The following ARFGEF3 variants were observed in gnomAD, a reference collection of about 807,000 sequenced individuals.
ARFGEF3 encodes the protein brefeldin A-inhibited guanine nucleotide-exchange protein 3.
Under a neutral mutation model 221.7 loss-of-function variants are expected in ARFGEF3, and 96 were observed. That is an observed-to-expected ratio of 0.43 (90% CI 0.37 to 0.51). The LOEUF (loss-of-function observed/expected upper bound fraction) is 0.51, where lower values mean the gene tolerates loss of function less well. ARFGEF3 is among the 20% of genes least tolerant of loss of function. The pLI, the probability that ARFGEF3 is intolerant of heterozygous loss-of-function variation, is 0.00. For synonymous variants in ARFGEF3, 1,145 were observed against 1,126.8 expected (o/e 1.02, Z -0.32); for missense variants, 2,410 against 2,789.9 (o/e 0.86, Z 3.07).
At chr6:138,330,575 C>T (rs1780210898) in intron 32 of ARFGEF3, among the ~76,000 whole-genome samples, 1 of 152,116 alleles carries the variant, frequency 6.6e-6, no homozygotes, top group South Asian at 2.1e-4. Flanking sequence ...GAGGCTGAGG[C>T]AGGAGAATCG....
intron 17 of ARFGEF3, among the ~76,000 whole-genome samples, chr6:138,288,907 C>G (rs1459594320): frequency 1.3e-5 from 2 of 152,190 alleles, no homozygotes; most frequent in African/African-American, 4.8e-5. Flanking sequence ...TTTTGCATTA[C>G]TGACATCTGA....
chr6:138,195,052 G>A (rs1777386269), intron 2 of ARFGEF3, among the ~76,000 whole-genome samples: 1 of 136,198 alleles, frequency 7.3e-6, no homozygotes, highest in African/African-American at 2.9e-5. Context: ...TCCCAGGCTG[G>A]AGTGCAGTGG....
rs552928348 is a variant in ARFGEF3 at position 138,217,934 on chromosome 6, G to A, written c.351+7893G>A. On this transcript the variant is annotated intron_variant, in intron 4 of 33. Coordinates refer to ENST00000251691, the MANE Select transcript of ARFGEF3 (RefSeq NM_020340.5). ...TTAAACAGTCATTGGTAGCAGAATT[G>A]CCTTTTCAACCATTTTTATTTTTCT... is the stretch of plus-strand genomic sequence containing the variant. 13 of 1,536,302 alleles carry A rather than the reference G, an allele frequency of 8.5e-6. No homozygotes were observed. The East Asian group carries it at 1.8e-4, about 21-fold the overall frequency.
chr6:138,178,271 C>T (rs553022083), intron 2 of ARFGEF3, among the ~76,000 whole-genome samples: 61 of 152,236 alleles, frequency 4.0e-4, no homozygotes, highest in African/African-American at 1.4e-3. Flanking sequence ...CTTCCACATG[C>T]CAAAGCCAAG....
At chr6:138,306,744 A>G (rs7768552) in intron 22 of ARFGEF3, among the ~76,000 whole-genome samples, 31,287 of 151,688 alleles carry the variant, frequency 0.21, 3,549 homozygotes, top group East Asian at 0.45. Context: ...ATAAAAATAA[A>G]CTTACACCTT....
chr6:138,333,009 A>G (rs914607379), intron 32 of ARFGEF3, among the ~76,000 whole-genome samples: 1 of 152,238 alleles, frequency 6.6e-6, no homozygotes, highest in Non-Finnish European at 1.5e-5. Flanking sequence ...AAATGTTATT[A>G]ACATCATGGC....
At chr6:138,230,069 G>T (rs1016494103) in intron 5 of ARFGEF3, among the ~76,000 whole-genome samples, 3 of 152,096 alleles carry the variant, frequency 2.0e-5, no homozygotes, top group Non-Finnish European at 2.9e-5. Context: ...GCATGCTTAC[G>T]TTTGCTTCAC....
chr6:138,318,198 C>G (rs1283741815), intron 27 of ARFGEF3, among the ~76,000 whole-genome samples: 4 of 152,174 alleles, frequency 2.6e-5, no homozygotes, highest in East Asian at 1.9e-4. Context: ...AAGTTAAAAG[C>G]CTTCCATCAA....
chr6:138,306,927 A>T (rs1779736267), intron 22 of ARFGEF3, among the ~76,000 whole-genome samples: 3 of 150,128 alleles, frequency 2.0e-5, no homozygotes, highest in Admixed American at 2.0e-4. Flanking sequence ...TTTGCAAATT[A>T]TATCTTGGGA....
chr6:138,227,240 G>A (rs914924322), intron 4 of ARFGEF3, among the ~76,000 whole-genome samples: 12 of 152,188 alleles, frequency 7.9e-5, no homozygotes, highest in African/African-American at 2.9e-4. Context: ...CTGAAACACA[G>A]GGAGTCAAGC....
chr6:138,289,732 C>T, intron 17 of ARFGEF3, 86 bp from the exon 18 acceptor site: 1 of 1,415,028 alleles, frequency 7.1e-7, no homozygotes. Context: ...TCCCTTTTGC[C>T]CTTGCATGAC....
At chr6:138,209,806 G>A (rs1462666812) in intron 3 of ARFGEF3, 104 bp from the exon 4 acceptor site, 22 of 1,406,620 alleles carry the variant, frequency 1.6e-5, no homozygotes, top group South Asian at 1.1e-4. Context: ...CCAGCTACAC[G>A]CCTCCCCAGT....
At chr6:138,293,326 C>T (rs1779448296) in intron 19 of ARFGEF3, among the ~76,000 whole-genome samples, 1 of 152,210 alleles carries the variant, frequency 6.6e-6, no homozygotes, top group African/African-American at 2.4e-5. Context: ...CCTTCAAATC[C>T]TCCCCTAAAT....
Position 138,242,947 on chromosome 6 carries a change from A to G in ARFGEF3, c.544-5A>G, listed in dbSNP as rs1778420844. On this transcript the variant is annotated splice_region_variant and splice_polypyrimidine_tract_variant and intron_variant, in intron 6 of 33. Coordinates refer to ENST00000251691, the MANE Select transcript of ARFGEF3 (RefSeq NM_020340.5). Reference sequence around the variant, plus strand: ...CTAATTGTGTGTGTGTATCTCCCTTACTAGATAATTGAAAACCCAGATGTC... The same window carrying G: ...CTAATTGTGTGTGTGTATCTCCCTTGCTAGATAATTGAAAACCCAGATGTC... 3 of 1,609,280 alleles carry G rather than the reference A, an allele frequency of 1.9e-6. No homozygotes were observed. Among genetic ancestry groups the G allele is most frequent in the African/African-American group, 1.3e-5 (1 of 74,946 alleles).
At chr6:138,328,779 C>G (rs1780170216) in intron 32 of ARFGEF3, among the ~76,000 whole-genome samples, 1 of 152,048 alleles carries the variant, frequency 6.6e-6, no homozygotes, top group Admixed American at 6.6e-5. Context: ...CACTTAAGCT[C>G]AGAAGTTTGA....
Position 138,162,263 on chromosome 6 carries a change from G to A in ARFGEF3, c.85+92G>A. The A allele has an allele frequency of 2.3e-6, 2 of 851,746 alleles. No individual in the cohort carries two copies. Among genetic ancestry groups the A allele is most frequent in the Non-Finnish European group, 3.6e-6 (2 of 561,406 alleles). The allele number at this position is 851,746 out of a possible 1,614,324, so 52.8% of individuals were successfully genotyped here. The stretch of plus-strand genomic sequence containing the variant: ...GCGCGTGGGGCTTTCGCGGAGCGTC[G>A]GTCATGGGTGCCGTTCTGGCGATTG... On this transcript the variant is annotated intron_variant, in intron 1 of 33. Coordinates refer to ENST00000251691, the MANE Select transcript of ARFGEF3 (RefSeq NM_020340.5). This position sits in a 1 kb window ranked among gnomAD's most constrained non-coding sequence, Gnocchi z 4.7.
chr6:138,286,939 C>A, intron 16 of ARFGEF3, 23 bp downstream of exon 16: 1 of 1,610,184 alleles, frequency 6.2e-7, no homozygotes, highest in South Asian at 1.1e-5. Context: ...GTAGTGTTCC[C>A]TGGCCGTGGT....
intron 11 of ARFGEF3, 36 bp from the exon 12 acceptor site, chr6:138,262,665 G>A (rs1778814967): frequency 6.5e-7 from 1 of 1,541,342 alleles, no homozygotes; most frequent in Admixed American, 1.9e-5. Context: ...TACATTTTAT[G>A]CATTTATTCC....
At chr6:138,289,092 T>C (rs1245276935) in intron 17 of ARFGEF3, among the ~76,000 whole-genome samples, 1 of 152,168 alleles carries the variant, frequency 6.6e-6, no homozygotes, top group Non-Finnish European at 1.5e-5. Context: ...TAGCTGGGAT[T>C]ACAGGCATGT....
Sources: gnomAD v4.1 joint callset for allele counts (sites outside exome capture counted in the v4.1 genomes callset) on GRCh38, gnomAD v4.1.1 for gene constraint, Gnocchi (gnomAD v3.1) non-coding constraint, MANE v1.5 for transcripts, NCBI Gene and HGNC (gene_info 2026-07-23, HGNC 2026-07-21) for gene names.